CDH23: variants seen among roughly 807,000 people sequenced by gnomAD.
The protein encoded by CDH23 is cadherin related 23.
CDH23 carries 189 observed loss-of-function variants against 317.1 expected under a neutral mutation model. That is an observed-to-expected ratio of 0.60 (90% CI 0.53 to 0.67). The LOEUF is 0.67. CDH23 is among the 30% of genes least tolerant of loss of function. The probability of loss-of-function intolerance (pLI) is 0.00; values close to 1 mark genes in which losing one functional copy is unlikely to be tolerated. For synonymous variants in CDH23, 1,839 were observed against 1,876.8 expected, an observed-to-expected ratio of 0.98 and a Z score of 0.52; for missense variants, 4,401 against 4,592.4, an observed-to-expected ratio of 0.96 and a Z score of 1.20.
At chr10:71,694,057 C>A in intron 20 of CDH23, 90 bp from the exon 21 acceptor site, 1 of 1,018,694 alleles carries the variant, frequency 9.8e-7, no homozygotes, top group Non-Finnish European at 1.5e-6. Flanking sequence ...AGTTCTCACC[C>A]TCTCTCCTTC....
At chr10:71,656,015 T>C (rs1020545480) in intron 14 of CDH23, among the ~76,000 whole-genome samples, 3 of 152,126 alleles carry the variant, frequency 2.0e-5, no homozygotes, top group Non-Finnish European at 4.4e-5. Context: ...TGTGTGACCC[T>C]GTCCCATTCT....
chr10:71,765,492 G>A (rs939507203), intron 38 of CDH23, among the ~76,000 whole-genome samples: 2 of 152,184 alleles, frequency 1.3e-5, no homozygotes, highest in Non-Finnish European at 2.9e-5. Flanking sequence ...TTGTTGGCCT[G>A]AGTGTCCCTG....
intron 17 of CDH23, among the ~76,000 whole-genome samples, chr10:71,680,035 T>C (rs1864549487): frequency 6.6e-6 from 1 of 152,212 alleles, no homozygotes; most frequent in Non-Finnish European, 1.5e-5. Flanking sequence ...GAGCTCACCC[T>C]GCAAAGCTGC....
In CDH23 at chr10:71,803,228, G is replaced by A. The variant is rs2132978277; in HGVS notation, c.7680G>A (p.Met2560Ile). Residue 2560 changes from methionine (M) to isoleucine (I), a missense_variant, in exon 55 of 70, where the codon ATG becomes ATA. Transcript: ENST00000224721. ...GPGVEAFHVDMDSGLVTTQRP... is the reference protein window; with the variant it reads ...GPGVEAFHVDIDSGLVTTQRP... ...TGCCAGAGGCCTTCCATGTGGACAT[G>A]GACTCGGGCTTGGTGACCACACAGC... is the stretch of plus-strand genomic sequence containing the variant. 6.2e-7 allele frequency: 1 copy of A among 1,604,492 alleles called. No homozygotes were observed. The highest frequency in any genetic ancestry group is 8.5e-7 in the Non-Finnish European group (1 of 1,175,008).
At chr10:71,638,506 C>T (rs866009853) in intron 11 of CDH23, among the ~76,000 whole-genome samples, 148 of 152,172 alleles carry the variant, frequency 9.7e-4, no homozygotes, top group African/African-American at 3.3e-3. Context: ...GCGGAATGCG[C>T]CAGTGCTGAG....
At chr10:71,808,213 CCTTT>C (rs767099742) in intron 60 of CDH23, among the ~76,000 whole-genome samples, 5 of 152,218 alleles carry the variant, frequency 3.3e-5, no homozygotes, top group Non-Finnish European at 7.3e-5. Flanking sequence ...ACCCACCAGC[CCTTT>C]CTTTTCATTC....
intron 9 of CDH23, among the ~76,000 whole-genome samples, chr10:71,593,288 T>A (rs538154802): frequency 6.6e-6 from 1 of 151,830 alleles, no homozygotes; most frequent in Non-Finnish European, 1.5e-5. Flanking sequence ...TGAAAAAAAA[T>A]AAAGCAAGAT....
chr10:71,802,118 G>T (rs1841573488), intron 53 of CDH23, among the ~76,000 whole-genome samples: 1 of 152,172 alleles, frequency 6.6e-6, no homozygotes, highest in Non-Finnish European at 1.5e-5. Context: ...GACCAGCCTG[G>T]CCAACATGGT....
At chr10:71,761,023 C>A (rs534829898) in intron 38 of CDH23, 1 of 1,209,074 alleles carries the variant, frequency 8.3e-7, no homozygotes, top group Non-Finnish European at 1.2e-6. Context: ...CAGGTTCTCA[C>A]GCTAGTGCCT....
chr10:71,784,668 C>G (rs1841049494), intron 42 of CDH23, among the ~76,000 whole-genome samples: 1 of 152,240 alleles, frequency 6.6e-6, no homozygotes, highest in African/African-American at 2.4e-5. Context: ...ACTGCCCCTC[C>G]TCTGCCTCTG....
At chr10:71,762,425 T>C (rs866018593) in intron 38 of CDH23, among the ~76,000 whole-genome samples, 3 of 152,384 alleles carry the variant, frequency 2.0e-5, no homozygotes, top group African/African-American at 7.2e-5. Context: ...TCAACACCTC[T>C]GCCCCTTCCT....
At position 71,797,096 on chromosome 10, in the gene CDH23, G is replaced by A. The variant is rs369946986; in HGVS notation, c.6713-8G>A. ...CTCAGGCTGAACCTGGCCTGGTCTG[G>A]TCCACAGGATCTGTAATGGTGAAGT... On this transcript the variant is annotated splice_polypyrimidine_tract_variant and splice_region_variant and intron_variant, in intron 48 of 69. Transcript: ENST00000224721. 3.0e-4 allele frequency: 473 copies of A among 1,598,574 alleles called. 1 individual carries two copies. The African/African-American group carries it at 4.8e-3, about 16-fold the overall frequency.
At chr10:71,791,083 C>G in intron 46 of CDH23, 49 bp from the exon 47 acceptor site, 1 of 1,483,238 alleles carries the variant, frequency 6.7e-7, no homozygotes, top group Non-Finnish European at 9.2e-7. Flanking sequence ...TGTCTTCCCA[C>G]CGCACCCCTT....
intron 14 of CDH23, among the ~76,000 whole-genome samples, chr10:71,669,873 C>T (rs1223292166): frequency 2.6e-5 from 4 of 152,114 alleles, no homozygotes; most frequent in East Asian, 3.9e-4. Flanking sequence ...AGGTGGCTCA[C>T]GCCTGTAATC....
chr10:71,778,352 C>A (rs10740390), intron 40 of CDH23, 44 bp downstream of exon 40: 2 of 1,609,874 alleles, frequency 1.2e-6, no homozygotes, highest in Non-Finnish European at 8.5e-7. Context: ...TGGAGGTTGG[C>A]GAAGGATGGG....
At chr10:71,706,747 C>T (rs1589355483) in intron 25 of CDH23, 150 bp from the exon 26 acceptor site, 3 of 1,346,004 alleles carry the variant, frequency 2.2e-6, no homozygotes, top group Middle Eastern at 2.6e-4. Context: ...GGGCTTATGG[C>T]CAGGAGGTGT....
intron 28 of CDH23, among the ~76,000 whole-genome samples, chr10:71,721,864 G>A (rs1363364755): frequency 6.6e-6 from 1 of 152,114 alleles, no homozygotes; most frequent in Non-Finnish European, 1.5e-5. Flanking sequence ...CCAGACTGGG[G>A]TCCTAGTTCC....
At chr10:71,582,730 G>A (rs940009740) in intron 9 of CDH23, among the ~76,000 whole-genome samples, 2 of 152,202 alleles carry the variant, frequency 1.3e-5, no homozygotes, top group African/African-American at 4.8e-5. Flanking sequence ...ACTGAGCAGC[G>A]TGGACTCTTC....
At position 71,800,638 on chromosome 10, in the gene CDH23, T is replaced by G. The variant is rs1260471812; in HGVS notation, c.7365T>G (p.Gly2455=). Residue 2455 remains glycine, a splice_region_variant and synonymous_variant, in exon 53 of 70, where the codon GGT becomes GGG. Coordinates refer to ENST00000224721, the MANE Select transcript of CDH23 (RefSeq NM_022124.6). Reference sequence around the variant, plus strand: ...TAAAGCCACCCTCCCCCTACTAGGGTGACATCTATGTGCTGTCTTCTCTGG... The same window carrying G: ...TAAAGCCACCCTCCCCCTACTAGGGGGACATCTATGTGCTGTCTTCTCTGG... ...ESKFAINPTT[G]DIYVLSSLDR... 1 of 1,613,824 alleles carries G rather than the reference T, an allele frequency of 6.2e-7. No homozygotes were observed. The highest frequency in any genetic ancestry group is 8.5e-7 in the Non-Finnish European group (1 of 1,179,832).
Sources: gnomAD v4.1 joint callset for allele counts (sites outside exome capture counted in the v4.1 genomes callset) on GRCh38, gnomAD v4.1.1 for gene constraint, MANE v1.5 for transcripts, NCBI Gene and HGNC (gene_info 2026-07-23, HGNC 2026-07-21) for gene names.